The following MAFF variants were observed in gnomAD, a reference collection of about 807,000 sequenced individuals.
MAFF encodes transcription factor MafF.
A neutral mutation model predicts 2.7 loss-of-function variants in MAFF; 4 were observed. The observed-to-expected ratio is 1.48, with a 90% CI of 0.73 to 3.39. MAFF has a LOEUF of 3.39. Ranked by LOEUF, MAFF falls within the 30% of genes most tolerant of loss-of-function variation. The probability of loss-of-function intolerance (pLI) is 0.01; values close to 1 mark genes in which losing one functional copy is unlikely to be tolerated. For synonymous variants in MAFF, 113 were observed against 119.4 expected (o/e 0.95, Z 0.35); for missense variants, 190 against 246.6 (o/e 0.77, Z 1.54).
At chr22:38,205,224 G>T (rs2267375) in intron 1 of MAFF, 88,252 of 151,930 alleles carry the variant, frequency 0.58, 25,859 homozygotes, top group East Asian at 0.64. Context: ...GTTTGGCATA[G>T]TGGGAAAACT....
In MAFF at chr22:38,214,369, C is replaced by T; in HGVS notation, c.37-51C>T. 1.3e-6 allele frequency: 2 copies of T among 1,481,530 alleles called. No homozygotes were observed. The highest frequency in any genetic ancestry group is 1.8e-6 in the Non-Finnish European group (2 of 1,107,908). 91.8% of individuals were successfully genotyped at this position (1,481,530 alleles called of 1,614,324 possible). A position where few individuals can be genotyped will look rare whatever the true frequency, so the allele number is the denominator to read the frequency against. ...TGAAAGAGGAACACCGCGGGTGGAG[C>T]GGGGGGGCCCGTCCCCAGTCCCCTG... On this transcript the variant is annotated intron_variant, in intron 2 of 2. Coordinates refer to ENST00000338483, the MANE Select transcript of MAFF (RefSeq NM_012323.4). This position sits in a 1 kb window ranked among gnomAD's most constrained non-coding sequence, Gnocchi z 6.3.
At chr22:38,204,936 T>C (rs1451728940) in intron 1 of MAFF, among the ~76,000 whole-genome samples, 1 of 151,746 alleles carries the variant, frequency 6.6e-6, no homozygotes, top group Non-Finnish European at 1.5e-5. Context: ...GGATCAATGA[T>C]GGGGATTGGA....
chr22:38,213,353 C>G (rs754483688), intron 1 of MAFF, among the ~76,000 whole-genome samples: 1 of 152,092 alleles, frequency 6.6e-6, no homozygotes, highest in Non-Finnish European at 1.5e-5. Flanking sequence ...CTGATTTAGG[C>G]ATATTGATGC....
At chr22:38,204,286 A>C (rs1221418036) in intron 1 of MAFF, among the ~76,000 whole-genome samples, 1 of 152,180 alleles carries the variant, frequency 6.6e-6, no homozygotes, top group East Asian at 1.9e-4. Context: ...TAGATGGGTG[A>C]TGTGAGGGAG....
In MAFF at chr22:38,214,734, C is replaced by G. The variant is rs1272636497; in HGVS notation, c.351C>G (p.Phe117Leu). The change falls in exon 3 of 3, where the codon TTC (phenylalanine) becomes TTG (leucine). Residue 117 changes from phenylalanine to leucine, a missense_variant. Physicochemically the swap from Phe to Leu is conservative, Grantham distance 22. This residue lies in a region of MAFF where 103 missense variants were observed against 103.0 expected (regional missense o/e 1.00). Transcript: ENST00000338483. This position sits in a 1 kb window ranked among gnomAD's most constrained non-coding sequence, Gnocchi z 6.3. ...GCAAGTGCGAGGCGCTGCAGGGCTT[C>G]GCGCGCTCCGTGGCCGCCGCCCGCG... ...LRGKCEALQG[F>L]ARSVAAARGP... is the part of the protein sequence containing the mutation. 7.0e-7 allele frequency: 1 copy of G among 1,435,434 alleles called. No homozygotes were observed. The highest frequency in any genetic ancestry group is 1.4e-5 in the South Asian group (1 of 68,976). 88.9% of individuals were successfully genotyped at this position (1,435,434 alleles called of 1,614,324 possible).
At chr22:38,213,743 G>A (rs1276745688) in intron 1 of MAFF, 80 bp from the exon 2 acceptor site, 2 of 1,029,992 alleles carry the variant, frequency 1.9e-6, no homozygotes, top group South Asian at 2.6e-5. Context: ...GGCCTTGAAT[G>A]GCAAGGTAGT....
intron 1 of MAFF, among the ~76,000 whole-genome samples, chr22:38,211,200 G>A (rs939926281): frequency 1.3e-5 from 2 of 151,746 alleles, no homozygotes; most frequent in Non-Finnish European, 2.9e-5. Flanking sequence ...GTAGGGCTGA[G>A]GTTGGAGAAG....
Position 38,213,827 on chromosome 22 carries a change from G to A in MAFF, c.-27G>A. On this transcript the variant is annotated 5_prime_UTR_variant, in exon 2 of 3. Transcript: ENST00000338483. ...TTGACCTCCTTTCTACCCTAGGTCT[G>A]CAGCCCAGAGGGCACCTTCTGCAAA... 1 of 1,612,976 alleles carries A rather than the reference G, an allele frequency of 6.2e-7. No homozygotes were observed. The highest frequency in any genetic ancestry group is 8.5e-7 in the Non-Finnish European group (1 of 1,178,934).
chr22:38,205,017 C>T (rs1382525843), intron 1 of MAFF, among the ~76,000 whole-genome samples: 1 of 152,062 alleles, frequency 6.6e-6, no homozygotes, highest in Non-Finnish European at 1.5e-5. Flanking sequence ...AGGAAGTGGT[C>T]TGTGGCTGTG....
Position 38,202,693 on chromosome 22 carries a change from T to C in MAFF, c.-32+481T>C, listed in dbSNP as rs2091023213. 6.5e-6 allele frequency: 1 copy of C among 152,726 alleles called. No individual in the cohort carries two copies. The highest frequency in any genetic ancestry group is 1.5e-5 in the Non-Finnish European group (1 of 68,918). The allele number at this position is 152,726 out of a possible 1,614,324, so 9.5% of individuals were successfully genotyped here. A position where few individuals can be genotyped will look rare whatever the true frequency, so the allele number is the denominator to read the frequency against. Reference sequence around the variant, plus strand: ...TGTGTACCTCGGGGGCGTGTGTGCGTGTGTTGTGCTTGTGTGTGCGTGTCC... The same window carrying C: ...TGTGTACCTCGGGGGCGTGTGTGCGCGTGTTGTGCTTGTGTGTGCGTGTCC... On this transcript the variant is annotated intron_variant, in intron 1 of 2. Transcript: ENST00000338483. This position sits in a 1 kb window ranked among gnomAD's most constrained non-coding sequence, Gnocchi z 7.4.
At chr22:38,209,566 A>G (rs1173556022) in intron 1 of MAFF, among the ~76,000 whole-genome samples, 1 of 151,724 alleles carries the variant, frequency 6.6e-6, no homozygotes, top group African/African-American at 2.4e-5. Context: ...TAATCCCGGC[A>G]CTTCAGGAGG....
intron 1 of MAFF, chr22:38,203,128 C>G (rs1249115741): frequency 6.6e-6 from 1 of 152,258 alleles, no homozygotes; most frequent in Non-Finnish European, 1.5e-5. Context: ...TTGGGGCTTC[C>G]TGGGGAGGGA....
chr22:38,212,299 C>T (rs1165653235), intron 1 of MAFF, among the ~76,000 whole-genome samples: 3 of 152,228 alleles, frequency 2.0e-5, no homozygotes, highest in South Asian at 4.1e-4. Context: ...CCGCGCCCAG[C>T]CTATCTTCCT....
Position 38,214,474 on chromosome 22 carries a change from G to A in MAFF, c.91G>A (p.Gly31Arg). 6.2e-7 allele frequency: 1 copy of A among 1,609,742 alleles called. No individual in the cohort carries two copies. Among genetic ancestry groups the A allele is most frequent in the Admixed American group, 1.7e-5 (1 of 59,918 alleles). Reference protein sequence around the residue: ...TPHLSDEALMGLSVRELNRHL... With the variant: ...TPHLSDEALMRLSVRELNRHL... ...GCACCTGTCGGACGAGGCGCTGATG[G>A]GGCTGTCGGTGCGCGAGCTGAACCG... is the stretch of plus-strand genomic sequence containing the variant. Residue 31 changes from glycine (G) to arginine (R), a missense_variant, in exon 3 of 3, where the codon GGG becomes AGG. Transcript: ENST00000338483. This position sits in a 1 kb window ranked among gnomAD's most constrained non-coding sequence, Gnocchi z 6.3.
chr22:38,203,899 G>C (rs1370380575), intron 1 of MAFF: 1 of 152,282 alleles, frequency 6.6e-6, no homozygotes, highest in African/African-American at 2.4e-5. Flanking sequence ...AAGCAGGGCT[G>C]ACAGCCCCAT....
In MAFF at chr22:38,202,073, C is replaced by T; in HGVS notation, c.-171C>T. The T allele has an allele frequency of 6.6e-6, 1 of 152,452 alleles. No individual in the cohort carries two copies. The highest frequency in any genetic ancestry group is 1.5e-5 in the Non-Finnish European group (1 of 68,104). The allele number at this position is 152,452 out of a possible 1,614,324, so 9.4% of individuals were successfully genotyped here. A position where few individuals can be genotyped will look rare whatever the true frequency, so the allele number is the denominator to read the frequency against. ...CGCCCCACAACAAAACTCAGCGCAG[C>T]GCTCCCGGGCGCCCGGTTCAGAGCG... On this transcript the variant is annotated 5_prime_UTR_variant, in exon 1 of 3. Coordinates refer to ENST00000338483, the MANE Select transcript of MAFF (RefSeq NM_012323.4). The surrounding 1 kb of genome is among the most constrained non-coding windows in gnomAD (Gnocchi z 7.4).
At position 38,214,677 on chromosome 22, in the gene MAFF, C is replaced by T. The variant is rs1407960829; in HGVS notation, c.294C>T (p.Ala98=). ...TGGACAAGCTGGCGCGCGAGAACGC[C>T]GCCATGCGCCTGGAGCTCGACGCGC... ...REVDKLAREN[A]AMRLELDALR... The change falls in exon 3 of 3, where the codon GCC becomes GCT. Residue 98 remains alanine (A), a synonymous_variant. Transcript: ENST00000338483. The surrounding 1 kb of genome is among the most constrained non-coding windows in gnomAD (Gnocchi z 6.3). 1.3e-6 allele frequency: 2 copies of T among 1,549,022 alleles called. No individual in the cohort carries two copies. Among genetic ancestry groups the T allele is most frequent in the South Asian group, 2.4e-5 (2 of 84,378 alleles).
chr22:38,213,423 G>T, intron 1 of MAFF: 1 of 342,116 alleles, frequency 2.9e-6, no homozygotes, highest in East Asian at 7.5e-5. Flanking sequence ...GAGGAGGAGT[G>T]GGAAGGAGAA....
rs2091125668 is a variant in MAFF, at chr22:38,214,329, C to G, written c.37-91C>G. On this transcript the variant is annotated intron_variant, in intron 2 of 2. Transcript: ENST00000338483. This position sits in a 1 kb window ranked among gnomAD's most constrained non-coding sequence, Gnocchi z 6.3. ...TTTGGATCAAGTCCACCCACCACCT[C>G]GGCGGCTAAGGCGGTGAAAGAGGAA... 2 of 1,247,660 alleles carry G rather than the reference C, an allele frequency of 1.6e-6. No individual in the cohort carries two copies. The highest frequency in any genetic ancestry group is 2.2e-6 in the Non-Finnish European group (2 of 923,164). The allele number at this position is 1,247,660 out of a possible 1,614,324, so 77.3% of individuals were successfully genotyped here.
Sources: allele counts gnomAD v4.1 joint callset (sites outside exome capture counted in the v4.1 genomes callset), GRCh38; gene constraint gnomAD v4.1.1; regional missense constraint gnomAD v4.1.1; non-coding constraint Gnocchi (gnomAD v3.1); transcripts MANE v1.5; gene names NCBI Gene and HGNC (gene_info 2026-07-23, HGNC 2026-07-21).